Variants in KLHL12 observed in about 807,000 individuals in gnomAD.
KLHL12 encodes the protein kelch-like protein 12.
KLHL12 carries 17 observed loss-of-function variants against 60.8 expected under a neutral mutation model. That is an observed-to-expected ratio of 0.28 (90% CI 0.19 to 0.42). KLHL12 has a LOEUF of 0.42. Ranked by LOEUF, KLHL12 falls within the 10% of genes least tolerant of loss-of-function variation. The pLI, the probability that KLHL12 is intolerant of heterozygous loss-of-function variation, is 1.00. For missense variants in KLHL12, 468 were observed against 722.3 expected, an observed-to-expected ratio of 0.65 and a Z score of 4.04; for synonymous variants, 220 against 250.9, an observed-to-expected ratio of 0.88 and a Z score of 1.16.
In KLHL12 at chr1:202,927,117, C is replaced by A; in HGVS notation, c.-74G>T. 3.0e-6 allele frequency: 3 copies of A among 985,512 alleles called. No individual in the cohort carries two copies. The highest frequency in any genetic ancestry group is 2.4e-6 in the Non-Finnish European group (2 of 830,042). 61.0% of individuals were successfully genotyped at this position (985,512 alleles called of 1,614,324 possible). On this transcript the variant is annotated 5_prime_UTR_variant, in exon 1 of 12. Coordinates refer to ENST00000367261, the MANE Select transcript of KLHL12 (RefSeq NM_021633.4). Reference sequence around the variant, plus strand: ...CGCTCCCGAACCCACACAGCCGCACCGGGCCCGTCCCCAGCCTGTGGGGAT... The same window carrying A: ...CGCTCCCGAACCCACACAGCCGCACAGGGCCCGTCCCCAGCCTGTGGGGAT...
At chr1:202,927,519 C>CAAAGAAA (rs1653648947), upstream of KLHL12, among the ~76,000 whole-genome samples, 1 of 52,814 alleles carries the variant, frequency 1.9e-5, no homozygotes, top group Non-Finnish European at 3.3e-5. Context: ...CCCGTTTCTA[C>CAAAGAAA]AAAAAAAAAA....
chr1:202,917,485 C>T (rs1459252407), intron 4 of KLHL12, among the ~76,000 whole-genome samples: 2 of 152,196 alleles, frequency 1.3e-5, no homozygotes, highest in Non-Finnish European at 2.9e-5. Flanking sequence ...GCTGGGATTA[C>T]AGGCATAGGC....
intron 6 of KLHL12, among the ~76,000 whole-genome samples, chr1:202,907,997 G>A (rs927746714): frequency 2.6e-5 from 4 of 152,178 alleles, no homozygotes; most frequent in East Asian, 3.9e-4. Flanking sequence ...ACCTTAGCAC[G>A]CATCATGAGT....
At position 202,894,643 on chromosome 1, in the gene KLHL12, T is replaced by C. The variant is rs1456587923; in HGVS notation, c.1242A>G (p.Thr414=). 6.2e-7 allele frequency: 1 copy of C among 1,614,200 alleles called. No homozygotes were observed. The highest frequency in any genetic ancestry group is 1.7e-5 in the Admixed American group (1 of 60,020). The part of the protein sequence containing the change: ...DQWSMLGDMQ[T]AREGAGLVVA... ...CTACGAGTCCGGCACCTTCCCGGGCTGTCTGCATATCTCCCAGCATGCTCC... is the reference window on the plus strand; with the variant it reads ...CTACGAGTCCGGCACCTTCCCGGGCCGTCTGCATATCTCCCAGCATGCTCC... The change falls in exon 9 of 12, where the codon ACA becomes ACG. Residue 414 remains threonine (T), a synonymous_variant. Coordinates refer to ENST00000367261, the MANE Select transcript of KLHL12 (RefSeq NM_021633.4).
At position 202,893,332 on chromosome 1, in the gene KLHL12, C is replaced by A. The variant is rs907358406; in HGVS notation, c.1487G>T (p.Arg496Leu). 6.2e-7 allele frequency: 1 copy of A among 1,613,804 alleles called. No homozygotes were observed. The highest frequency in any genetic ancestry group is 8.5e-7 in the Non-Finnish European group (1 of 1,179,874). Residue 496 changes from arginine (R) to leucine (L), a missense_variant, in exon 11 of 12, where the codon CGC becomes CTC. This residue lies in a region of KLHL12 where 68 missense variants were observed against 119.8 expected (regional missense o/e 0.57). Transcript: ENST00000367261. This position sits in a 1 kb window ranked among gnomAD's most constrained non-coding sequence, Gnocchi z 4.1. ...HLSSVEAYNI[R>L]TDSWTTVTSM... Reference sequence around the variant, plus strand: ...GGTGACAGTTGTCCAGGAATCAGTGCGAATGTTGTATGCTTCAACGGAAGA... The same window carrying A: ...GGTGACAGTTGTCCAGGAATCAGTGAGAATGTTGTATGCTTCAACGGAAGA...
At chr1:202,911,724 A>C in intron 4 of KLHL12, 1 of 613,400 alleles carries the variant, frequency 1.6e-6, no homozygotes, top group South Asian at 2.1e-5. Flanking sequence ...TAACATCACT[A>C]TGTTGCAGTT....
At chr1:202,905,317 T>C (rs1248105462) in intron 6 of KLHL12, among the ~76,000 whole-genome samples, 2 of 152,226 alleles carry the variant, frequency 1.3e-5, no homozygotes, top group Non-Finnish European at 2.9e-5. Context: ...CATTAGCTTT[T>C]AGTTCAATTT....
upstream of KLHL12, chr1:202,928,406 T>C (rs80147998): frequency 6.9e-4 from 601 of 866,566 alleles, 3 homozygotes; most frequent in African/African-American, 9.5e-3. Flanking sequence ...TCCCTACCGC[T>C]CACTAGGCAG....
At position 202,923,668 on chromosome 1, in the gene KLHL12, G is replaced by A. The variant is rs1038800442; in HGVS notation, c.195+1300C>T. The stretch of plus-strand genomic sequence containing the variant: ...ACAAGCCATGGGACTTTGGGCAAGT[G>A]ATTTAATATCTGAAACCCTATTCCT... On this transcript the variant is annotated intron_variant, in intron 2 of 11. Coordinates refer to ENST00000367261, the MANE Select transcript of KLHL12 (RefSeq NM_021633.4). Among the ~76,000 whole-genome samples the A allele has an allele frequency of 1.3e-5, 2 of 152,132 alleles. 1 individual carries two copies. Among genetic ancestry groups the A allele is most frequent in the South Asian group, 4.1e-4 (2 of 4,832 alleles).
At chr1:202,921,194 T>TTTG (rs1660687855) in intron 2 of KLHL12, among the ~76,000 whole-genome samples, 1 of 150,552 alleles carries the variant, frequency 6.6e-6, no homozygotes. Context: ...TTTTTTTTTT[T>TTTG]GACACAGTCT....
chr1:202,925,023 T>C lies in KLHL12; in HGVS notation c.140A>G (p.His47Arg), dbSNP rs1653455797. Reference sequence around the variant, plus strand: ...ACTACAGGCAGCCAGCACAATCCGATGGGCAGGGAAGTCTTTCTGCTCTAC... The same window carrying C: ...ACTACAGGCAGCCAGCACAATCCGACGGGCAGGGAAGTCTTTCTGCTCTAC... The part of the protein sequence containing the change: ...LRVEQKDFPA[H>R]RIVLAACSDY... The change falls in exon 2 of 12, where the codon CAT (histidine) becomes CGT (arginine). Residue 47 changes from histidine (H) to arginine (R), a missense_variant. Transcript: ENST00000367261. 4 of 1,614,054 alleles carry C rather than the reference T, an allele frequency of 2.5e-6. No homozygotes were observed. Among genetic ancestry groups the C allele is most frequent in the Non-Finnish European group, 3.4e-6 (4 of 1,180,032 alleles).
chr1:202,925,274 G>C, intron 1 of KLHL12, 67 bp from the exon 2 acceptor site: 1 of 1,498,880 alleles, frequency 6.7e-7, no homozygotes, highest in Non-Finnish European at 8.9e-7. Flanking sequence ...TATTTAATTA[G>C]CTTTACAAAT....
chr1:202,903,797 A>G (rs1210068437), intron 6 of KLHL12, among the ~76,000 whole-genome samples: 1 of 148,690 alleles, frequency 6.7e-6, no homozygotes, highest in Non-Finnish European at 1.5e-5. Flanking sequence ...TAATTTTTAT[A>G]CTTTTAGTAG....
rs1358231595 is a variant in KLHL12, at chr1:202,909,523, A to G, written c.718-399T>C. Among the ~76,000 whole-genome samples the G allele has an allele frequency of 6.6e-6, 1 of 152,152 alleles. No homozygotes were observed. Among genetic ancestry groups the G allele is most frequent in the Admixed American group, 6.5e-5 (1 of 15,272 alleles). On this transcript the variant is annotated intron_variant, in intron 5 of 11. Transcript: ENST00000367261. This position sits in a 1 kb window ranked among gnomAD's most constrained non-coding sequence, Gnocchi z 4.1. ...TTCTGTTATTTTCTGGGTGACAGGA[A>G]GAATCATATTTTGTCTGAAATATCT...
intron 4 of KLHL12, among the ~76,000 whole-genome samples, chr1:202,911,597 T>G (rs1238209422): frequency 6.6e-6 from 1 of 152,110 alleles, no homozygotes; most frequent in African/African-American, 2.4e-5. Flanking sequence ...GGTGGGGGAA[T>G]CTGTTGCCTT....
intron 4 of KLHL12, among the ~76,000 whole-genome samples, 194 bp downstream of exon 4, chr1:202,917,977 A>G (rs558915601): frequency 1.3e-5 from 2 of 152,332 alleles, no homozygotes; most frequent in Admixed American, 1.3e-4. Context: ...GGGATCATAT[A>G]TCTAATTGAA....
intron 6 of KLHL12, among the ~76,000 whole-genome samples, chr1:202,903,575 C>T (rs1660082905): frequency 1.4e-5 from 2 of 147,388 alleles, no homozygotes; most frequent in Admixed American, 1.4e-4. Context: ...AAGCATCCTC[C>T]TAGCCTCCCA....
chr1:202,899,822 CAAAAAAAA>C (rs10612618), intron 6 of KLHL12, among the ~76,000 whole-genome samples: 3 of 143,030 alleles, frequency 2.1e-5, no homozygotes, highest in East Asian at 2.1e-4. Flanking sequence ...GACTCCATCT[CAAAAAAAA>C]AAAAAAAAAA....
chr1:202,927,858 T>C (rs1057084241), upstream of KLHL12, among the ~76,000 whole-genome samples: 3 of 151,454 alleles, frequency 2.0e-5, no homozygotes, highest in East Asian at 5.8e-4. Flanking sequence ...GGCACGCGCC[T>C]GTAATCCCAA....
Sources: gnomAD v4.1 joint callset for allele counts (sites outside exome capture counted in the v4.1 genomes callset) on GRCh38, gnomAD v4.1.1 for gene constraint, gnomAD v4.1.1 regional missense constraint, Gnocchi (gnomAD v3.1) non-coding constraint, MANE v1.5 for transcripts, NCBI Gene and HGNC (gene_info 2026-07-23, HGNC 2026-07-21) for gene names.